Variants in KCTD16 observed in about 807,000 individuals in gnomAD.
KCTD16 encodes potassium channel tetramerization domain containing 16.
KCTD16 carries 13 observed loss-of-function variants against 33.2 expected under a neutral mutation model. That is an observed-to-expected ratio of 0.39 (90% CI 0.25 to 0.62). The LOEUF is 0.62. Ranked by LOEUF, KCTD16 falls within the 20% of genes least tolerant of loss-of-function variation. The pLI is 0.50. For synonymous variants in KCTD16, 197 were observed against 195.3 expected (o/e 1.01, Z -0.07); for missense variants, 441 against 525.1 (o/e 0.84, Z 1.57).
intron 3 of KCTD16, among the ~76,000 whole-genome samples, chr5:144,446,332 T>C (rs929842307): frequency 2.0e-5 from 3 of 151,884 alleles, no homozygotes; most frequent in Non-Finnish European, 4.4e-5. Flanking sequence ...ATAAATGGTG[T>C]TGGGAAAACT....
chr5:144,241,030 A>G (rs187121073), intron 3 of KCTD16, among the ~76,000 whole-genome samples: 103 of 152,220 alleles, frequency 6.8e-4, no homozygotes, highest in Admixed American at 3.6e-3. Flanking sequence ...TCCTCCCTGT[A>G]TTATATCTTT....
chr5:144,186,162 C>T (rs1028853263), intron 2 of KCTD16, among the ~76,000 whole-genome samples: 3 of 151,994 alleles, frequency 2.0e-5, no homozygotes, highest in African/African-American at 7.3e-5. Flanking sequence ...CTGTGGCCCA[C>T]AAAAGAAACA....
intron 3 of KCTD16, among the ~76,000 whole-genome samples, chr5:144,316,047 G>A (rs772565508): frequency 5.4e-5 from 8 of 147,636 alleles, no homozygotes; most frequent in South Asian, 2.1e-4. Flanking sequence ...AATTAATTTC[G>A]TTTTCGTAGG....
chr5:144,199,318 G>A (rs1357756300), intron 2 of KCTD16, among the ~76,000 whole-genome samples: 1 of 152,226 alleles, frequency 6.6e-6, no homozygotes, highest in East Asian at 1.9e-4. Context: ...ATATTACATA[G>A]TACATAGAGC....
intron 3 of KCTD16, among the ~76,000 whole-genome samples, chr5:144,210,280 A>G (rs866586616): frequency 6.6e-6 from 1 of 152,054 alleles, no homozygotes; most frequent in East Asian, 1.9e-4. Flanking sequence ...ACAATGAAAA[A>G]GTCAACAGGT....
intron 3 of KCTD16, among the ~76,000 whole-genome samples, chr5:144,343,581 C>T (rs1229083316): frequency 6.6e-6 from 1 of 151,696 alleles, no homozygotes; most frequent in Non-Finnish European, 1.5e-5. Context: ...CTATTTCCTT[C>T]AGTTCTGCTC....
In KCTD16 at chr5:144,209,844, ATGTGTATATATATACACATATATATG is replaced by A. The variant is rs1283351796; in HGVS notation, c.832+2306_832+2331del. On this transcript the variant is annotated intron_variant, in intron 3 of 3. Transcript: ENST00000512467. ...TATATATAAATATATATATATTTAT[ATGTGTATATATATACACATATATATG>A]TGTGTATGTATGTATATATATGTGT... Among the ~76,000 whole-genome samples, 3 of 146,444 alleles carry A rather than the reference ATGTGTATATATATACACATATATATG, an allele frequency of 2.0e-5. No homozygotes were observed. In the East Asian group the frequency reaches 5.9e-4, roughly 29 times the overall value.
At chr5:144,423,508 C>A (rs1469727470) in intron 3 of KCTD16, among the ~76,000 whole-genome samples, 2 of 152,052 alleles carry the variant, frequency 1.3e-5, no homozygotes, top group Non-Finnish European at 2.9e-5. Context: ...GACAATGTCT[C>A]TAGATACTGT....
rs1754772232 is a variant in KCTD16, at chr5:144,484,880, G to C, written c.*10766G>C. ...GTCATATTGTTTACAGGTTATTTTT[G>C]TGCGTAATTGTGATAGCAGATTTAG... On this transcript the variant is annotated 3_prime_UTR_variant, in exon 4 of 4. Transcript: ENST00000512467. 6.6e-6 allele frequency: 1 copy of C among 151,894 alleles called. No individual in the cohort carries two copies. The highest frequency in any genetic ancestry group is 1.5e-5 in the Non-Finnish European group (1 of 67,934). 9.4% of individuals were successfully genotyped at this position (151,894 alleles called of 1,614,324 possible). A position where few individuals can be genotyped will look rare whatever the true frequency, so the allele number is the denominator to read the frequency against.
At chr5:144,382,819 C>T (rs1286233324) in intron 3 of KCTD16, among the ~76,000 whole-genome samples, 2 of 152,170 alleles carry the variant, frequency 1.3e-5, no homozygotes, top group African/African-American at 2.4e-5. Context: ...TTTGGAGGTG[C>T]ATTGAGTTAT....
intron 3 of KCTD16, among the ~76,000 whole-genome samples, chr5:144,310,903 G>A (rs900582138): frequency 2.6e-5 from 4 of 152,142 alleles, no homozygotes; most frequent in Admixed American, 1.3e-4. Context: ...AGGCAGCTCT[G>A]AGGAGCGGGA....
intron 3 of KCTD16, among the ~76,000 whole-genome samples, chr5:144,272,014 C>CTA (rs779336037): frequency 1.1e-4 from 16 of 152,088 alleles, no homozygotes; most frequent in Admixed American, 5.9e-4. Flanking sequence ...ATAAAGAAGA[C>CTA]TAAAATAAAT....
intron 2 of KCTD16, among the ~76,000 whole-genome samples, chr5:144,190,520 A>G (rs925529902): frequency 2.4e-4 from 37 of 152,184 alleles, no homozygotes; most frequent in African/African-American, 8.9e-4. Flanking sequence ...GTGATTCAGT[A>G]ATTGGTATCT....
chr5:144,243,612 T>G (rs1754463467), intron 3 of KCTD16, among the ~76,000 whole-genome samples: 1 of 152,214 alleles, frequency 6.6e-6, no homozygotes. Context: ...CTAAGATGAT[T>G]TTCCTCCACA....
chr5:144,332,483 G>T (rs1213510932), intron 3 of KCTD16, among the ~76,000 whole-genome samples: 1 of 152,142 alleles, frequency 6.6e-6, no homozygotes, highest in East Asian at 1.9e-4. Context: ...AGCAGAGAGG[G>T]TTGTCTTCAG....
intron 3 of KCTD16, among the ~76,000 whole-genome samples, chr5:144,225,924 G>A (rs1305893906): frequency 6.6e-6 from 1 of 152,116 alleles, no homozygotes; most frequent in Non-Finnish European, 1.5e-5. Flanking sequence ...CAGCAAGCTT[G>A]CAACCAAAAA....
chr5:144,299,072 A>ATATATATATATT (rs1491103244), intron 3 of KCTD16, among the ~76,000 whole-genome samples: 2 of 57,432 alleles, frequency 3.5e-5, no homozygotes, highest in African/African-American at 8.1e-5. Flanking sequence ...ATATATATAT[A>ATATATATATATT]TTTTTGTATA....
At chr5:144,436,079 G>A (rs1753570011) in intron 3 of KCTD16, among the ~76,000 whole-genome samples, 1 of 152,116 alleles carries the variant, frequency 6.6e-6, no homozygotes, top group Non-Finnish European at 1.5e-5. Context: ...AGTTCCCTGT[G>A]GGAACCACTT....
intron 3 of KCTD16, among the ~76,000 whole-genome samples, chr5:144,347,673 A>G (rs1341849561): frequency 6.6e-6 from 1 of 152,210 alleles, no homozygotes; most frequent in East Asian, 1.9e-4. Flanking sequence ...AGAGGATTGC[A>G]GGCAGAGGAA....
Sources: gnomAD v4.1 joint callset for allele counts (sites outside exome capture counted in the v4.1 genomes callset) on GRCh38, gnomAD v4.1.1 for gene constraint, MANE v1.5 for transcripts, NCBI Gene and HGNC (gene_info 2026-07-23, HGNC 2026-07-21) for gene names.